NHS: variants seen among roughly 807,000 people sequenced by gnomAD.
NHS encodes NHS actin remodeling regulator.
Under a neutral mutation model 72.5 loss-of-function variants are expected in NHS, and 5 were observed. The observed-to-expected ratio is 0.07, with a 90% confidence interval of 0.04 to 0.14. The LOEUF is 0.14. Ranked by LOEUF, NHS falls within the 10% of genes least tolerant of loss-of-function variation. The pLI is 1.00. For missense variants in NHS, 1,072 were observed against 1,355.7 expected (o/e 0.79, Z 3.29); for synonymous variants, 464 against 547.7 (o/e 0.85, Z 2.13).
chrX:17,474,063 C>T (rs757352627), intron 1 of NHS, among the ~76,000 whole-genome samples: 11 of 111,460 alleles, frequency 9.9e-5, no homozygotes, highest in Non-Finnish European at 1.9e-4. Flanking sequence ...TGTTTCTGCT[C>T]CTCTCCCTCC....
chrX:17,394,591 C>G (rs189188362), intron 1 of NHS, among the ~76,000 whole-genome samples: 2 of 111,715 alleles, frequency 1.8e-5, no homozygotes, highest in Non-Finnish European at 3.8e-5. Flanking sequence ...GAATAAGAGG[C>G]CTTTAAAAAT....
intron 1 of NHS, among the ~76,000 whole-genome samples, chrX:17,636,531 C>T (rs779632066): frequency 1.8e-5 from 2 of 112,356 alleles, no homozygotes; most frequent in African/African-American, 3.2e-5. Flanking sequence ...TGACAGTTGA[C>T]GCTGGCCACT....
intron 1 of NHS, among the ~76,000 whole-genome samples, chrX:17,494,121 C>T (rs905767712): frequency 2.0e-5 from 2 of 102,127 alleles, no homozygotes; most frequent in African/African-American, 7.2e-5. Context: ...CTCTATCACC[C>T]AGGCTGTAGT....
intron 1 of NHS, among the ~76,000 whole-genome samples, chrX:17,444,948 G>A (rs893402083): frequency 9.1e-6 from 1 of 109,978 alleles, no homozygotes; most frequent in African/African-American, 3.3e-5. Context: ...ATTTACTTAT[G>A]ATGGCTTTTA....
intron 1 of NHS, among the ~76,000 whole-genome samples, chrX:17,469,956 T>C (rs1269340599): frequency 9.0e-6 from 1 of 111,182 alleles, no homozygotes; most frequent in Non-Finnish European, 1.9e-5. Context: ...TGTTTGTTTG[T>C]TTTTTGTTTT....
intron 1 of NHS, among the ~76,000 whole-genome samples, chrX:17,383,315 C>A (rs1457423049): frequency 8.9e-6 from 1 of 111,769 alleles, no homozygotes; most frequent in African/African-American, 3.3e-5. Context: ...AAGTTTCTCA[C>A]TCTTTTTCCT....
intron 1 of NHS, among the ~76,000 whole-genome samples, chrX:17,539,927 G>C (rs963851043): frequency 2.7e-5 from 3 of 112,246 alleles, no homozygotes; most frequent in Non-Finnish European, 5.6e-5. Flanking sequence ...TGTGGAGATG[G>C]TGGAGCCTGT....
chrX:17,412,481 C>T (rs753491130), intron 1 of NHS, among the ~76,000 whole-genome samples: 85 of 110,269 alleles, frequency 7.7e-4, no homozygotes, highest in Middle Eastern at 4.8e-3. Context: ...CCTGTAGTCC[C>T]AGCTACTCAG....
intron 1 of NHS, among the ~76,000 whole-genome samples, chrX:17,422,125 C>G (rs573162089): frequency 1.8e-5 from 2 of 112,148 alleles, no homozygotes; most frequent in South Asian, 7.5e-4. Flanking sequence ...CCTCTGTTAT[C>G]ATAGATTTAT....
At chrX:17,582,974 C>G (rs1245535231) in intron 1 of NHS, among the ~76,000 whole-genome samples, 1 of 111,927 alleles carries the variant, frequency 8.9e-6, no homozygotes, top group Non-Finnish European at 1.9e-5. Flanking sequence ...TTGGCTCCCA[C>G]TGGGACCATA....
intron 1 of NHS, among the ~76,000 whole-genome samples, chrX:17,478,440 G>A (rs1039129614): frequency 2.7e-5 from 3 of 111,960 alleles, no homozygotes; most frequent in African/African-American, 9.7e-5. Context: ...CTGACACCAA[G>A]ATTCTGTGGG....
At chrX:17,596,200 A>T (rs999780996) in intron 1 of NHS, among the ~76,000 whole-genome samples, 4 of 112,452 alleles carry the variant, frequency 3.6e-5, no homozygotes, top group African/African-American at 1.3e-4. Flanking sequence ...GTCACTATGG[A>T]TGCAAGTCAA....
chrX:17,682,266 AGCT>A (rs1168414145), intron 1 of NHS, among the ~76,000 whole-genome samples: 1 of 111,644 alleles, frequency 9.0e-6, no homozygotes, highest in Non-Finnish European at 1.9e-5. Flanking sequence ...TTGCCTACCA[AGCT>A]GATGGCTCCT....
intron 1 of NHS, among the ~76,000 whole-genome samples, chrX:17,544,669 TG>T (rs2065282816): frequency 9.0e-6 from 1 of 111,244 alleles, no homozygotes; most frequent in Admixed American, 9.5e-5. Context: ...CCCACCACCA[TG>T]CCTAGCTAAT....
intron 1 of NHS, among the ~76,000 whole-genome samples, chrX:17,421,898 A>G (rs2064625840): frequency 9.0e-6 from 1 of 110,866 alleles, no homozygotes; most frequent in Non-Finnish European, 1.9e-5. Flanking sequence ...TTTTTAATTA[A>G]TGTTTTCCTT....
chrX:17,735,502 T>C lies in NHS; in HGVS notation c.*3038T>C, dbSNP rs1479007248. ...ATTCTACTTTGGTTTTGTTGTTGTT[T>C]TGATTTGTTTTTGGCTAAGTAGAGG... On this transcript the variant is annotated 3_prime_UTR_variant, in exon 9 of 9. Transcript: ENST00000676302. The C allele has an allele frequency of 8.9e-6, 1 of 112,928 alleles. No individual in the cohort carries two copies. The highest frequency in any genetic ancestry group is 1.9e-5 in the Non-Finnish European group (1 of 53,345). The allele number at this position is 112,928 out of a possible 1,213,427, so 9.3% of individuals were successfully genotyped here.
rs398124610 is a variant in NHS at position 17,376,270 on chromosome X, C to T, written c.513C>T (p.Leu171=). 603 of 1,164,187 alleles carry T rather than the reference C, an allele frequency of 5.2e-4. 1 individual carries two copies. The highest frequency in any genetic ancestry group is 4.5e-3 in the Middle Eastern group (19 of 4,197). Reference sequence around the variant, plus strand: ...GCGTCTGGGCGCTGCAGGGCAAGCTCGGCGGCGTGCAGCGCGTCCTCAGCA... The same window carrying T: ...GCGTCTGGGCGCTGCAGGGCAAGCTTGGCGGCGTGCAGCGCGTCCTCAGCA... ...HRRVWALQGK[L]GGVQRVLSTL... The change falls in exon 1 of 9, where the codon CTC becomes CTT. Residue 171 remains leucine, a synonymous_variant. Transcript: ENST00000676302.
At chrX:17,397,828 C>T (rs930159025) in intron 1 of NHS, among the ~76,000 whole-genome samples, 1 of 111,805 alleles carries the variant, frequency 8.9e-6, no homozygotes, top group African/African-American at 3.3e-5. Flanking sequence ...TCCAGGTATC[C>T]ATTTACATGG....
At chrX:17,489,165 C>G (rs2146915284) in intron 1 of NHS, among the ~76,000 whole-genome samples, 1 of 112,016 alleles carries the variant, frequency 8.9e-6, no homozygotes, top group South Asian at 3.7e-4. Flanking sequence ...TGTATATGTG[C>G]CATATTTTCT....
Sources: allele counts gnomAD v4.1 joint callset (sites outside exome capture counted in the v4.1 genomes callset), GRCh38; gene constraint gnomAD v4.1.1; transcripts MANE v1.5; gene names NCBI Gene and HGNC (gene_info 2026-07-23, HGNC 2026-07-21).